Variants in XXYLT1 observed in about 807,000 individuals in gnomAD.
The protein encoded by XXYLT1 is UDP-xylose:alpha-xyloside alpha-1,3-xylosyltransferase.
In XXYLT1, 20 loss-of-function variants were observed where a neutral mutation model predicts 28.9. That is an observed-to-expected ratio of 0.69 (90% CI 0.49 to 1.00). The LOEUF (loss-of-function observed/expected upper bound fraction) is 1.00, where lower values mean the gene tolerates loss of function less well. XXYLT1 is among the 50% of genes least tolerant of loss of function. XXYLT1 has a pLI of 0.00. For synonymous variants in XXYLT1, 257 were observed against 253.8 expected (o/e 1.01, Z -0.12); for missense variants, 542 against 560.1 (o/e 0.97, Z 0.33).
rs1715148667 is a variant in XXYLT1, at chr3:195,076,829, T to G, written c.786-6718A>C. ...CGTGCCTCTGTGTCCACATTGCCCCTTTCTATCAAGACGCCAGCCATAAGG... is the reference window on the plus strand; with the variant it reads ...CGTGCCTCTGTGTCCACATTGCCCCGTTCTATCAAGACGCCAGCCATAAGG... On this transcript the variant is annotated intron_variant, in intron 3 of 3. Transcript: ENST00000310380. The surrounding 1 kb of genome is among the most constrained non-coding windows in gnomAD (Gnocchi z 5.3). 6.6e-6 allele frequency among the ~76,000 whole-genome samples: 1 copy of G among 152,142 alleles called. No individual in the cohort carries two copies. The highest frequency in any genetic ancestry group is 2.4e-5 in the African/African-American group (1 of 41,430).
chr3:195,261,721 A>T (rs763300481), intron 1 of XXYLT1, among the ~76,000 whole-genome samples: 30 of 149,028 alleles, frequency 2.0e-4, no homozygotes, highest in East Asian at 3.8e-4. Flanking sequence ...TAAATATATT[A>T]AAAAATACCA....
intron 3 of XXYLT1, among the ~76,000 whole-genome samples, chr3:195,127,170 TA>T (rs904827399): frequency 1.6e-4 from 24 of 152,140 alleles, no homozygotes; most frequent in African/African-American, 5.8e-4. Flanking sequence ...AGCTCCCCGG[TA>T]AACATGAGTG....
chr3:195,211,609 A>C (rs1390597584), intron 2 of XXYLT1, among the ~76,000 whole-genome samples: 1 of 152,254 alleles, frequency 6.6e-6, no homozygotes, highest in Non-Finnish European at 1.5e-5. Context: ...TGGAGCTTAC[A>C]TCTGGGTGGG....
chr3:195,213,547 A>C (rs1288900955), intron 2 of XXYLT1, among the ~76,000 whole-genome samples: 1 of 152,094 alleles, frequency 6.6e-6, no homozygotes. Context: ...TACAGGCGTG[A>C]GCCACCACGC....
intron 2 of XXYLT1, among the ~76,000 whole-genome samples, chr3:195,186,398 C>T (rs370274696): frequency 9.8e-5 from 15 of 152,356 alleles, no homozygotes; most frequent in African/African-American, 3.6e-4. Context: ...CCCAATCCCT[C>T]GCACAGCTTT....
intron 3 of XXYLT1, among the ~76,000 whole-genome samples, chr3:195,110,189 GGTGAGGTGTA>G (rs1717461700): frequency 1.6e-5 from 1 of 63,170 alleles, no homozygotes; most frequent in African/African-American, 4.6e-5. Flanking sequence ...TGTGTGTGTG[GGTGAGGTGTA>G]TGTGTGGTGT....
chr3:195,258,207 C>T (rs1725549415), intron 1 of XXYLT1, among the ~76,000 whole-genome samples: 1 of 152,186 alleles, frequency 6.6e-6, no homozygotes, highest in South Asian at 2.1e-4. Context: ...AGTGAGGCAA[C>T]AGCCACAGAG....
Position 195,173,711 on chromosome 3 carries a change from C to T in XXYLT1, c.653-17130G>A, listed in dbSNP as rs1451579928. On this transcript the variant is annotated intron_variant, in intron 2 of 3. Transcript: ENST00000310380. This position sits in a 1 kb window ranked among gnomAD's most constrained non-coding sequence, Gnocchi z 4.3. ...TCAGGGGAATCCTACTGAAAGGCAT[C>T]GTGGATAAAGTGAACTTCACTTTAG... Among the ~76,000 whole-genome samples the T allele has an allele frequency of 6.6e-6, 1 of 152,172 alleles. No individual in the cohort carries two copies. Among genetic ancestry groups the T allele is most frequent in the Non-Finnish European group, 1.5e-5 (1 of 68,034 alleles).
chr3:195,252,017 T>C (rs892762789), intron 1 of XXYLT1, among the ~76,000 whole-genome samples: 2 of 152,200 alleles, frequency 1.3e-5, no homozygotes, highest in African/African-American at 2.4e-5. Context: ...AATAAAATAC[T>C]ACACAGCAAT....
At chr3:195,125,722 A>C (rs1577057373) in intron 3 of XXYLT1, among the ~76,000 whole-genome samples, 2 of 152,268 alleles carry the variant, frequency 1.3e-5, no homozygotes, top group East Asian at 3.8e-4. Flanking sequence ...CCTGGAAATA[A>C]GTTGAAATGT....
intron 2 of XXYLT1, among the ~76,000 whole-genome samples, chr3:195,170,879 C>T (rs1024810477): frequency 1.3e-5 from 2 of 149,264 alleles, no homozygotes; most frequent in African/African-American, 5.0e-5. Flanking sequence ...TCCGTCTTAA[C>T]CAAAAAAAAA....
At chr3:195,172,651 C>T (rs953250277) in intron 2 of XXYLT1, among the ~76,000 whole-genome samples, 1 of 152,164 alleles carries the variant, frequency 6.6e-6, no homozygotes, top group Non-Finnish European at 1.5e-5. Flanking sequence ...ACAGAGTAGA[C>T]AAGATGGCCT....
rs1719033460 is a variant in XXYLT1, at chr3:195,133,944, G to A, written c.785+22505C>T. Among the ~76,000 whole-genome samples the A allele has an allele frequency of 6.6e-6, 1 of 152,174 alleles. No individual in the cohort carries two copies. Among genetic ancestry groups the A allele is most frequent in the Non-Finnish European group, 1.5e-5 (1 of 68,030 alleles). On this transcript the variant is annotated intron_variant, in intron 3 of 3. Transcript: ENST00000310380. The surrounding 1 kb of genome is among the most constrained non-coding windows in gnomAD (Gnocchi z 4.4). ...TATTTACTTTTGGCTGGGTGTGGAG[G>A]CTCATGCCTGTAATCCTGGCACTTT...
Position 195,077,017 on chromosome 3 carries a change from A to G in XXYLT1, c.786-6906T>C, listed in dbSNP as rs1715160132. 6.6e-6 allele frequency among the ~76,000 whole-genome samples: 1 copy of G among 152,202 alleles called. No individual in the cohort carries two copies. Among genetic ancestry groups the G allele is most frequent in the Non-Finnish European group, 1.5e-5 (1 of 68,040 alleles). ...CCCACAGCACTCTCCAGCAATGAAG[A>G]TGGAGAAAAACACCACAGCTCACTG... is the stretch of plus-strand genomic sequence containing the variant. On this transcript the variant is annotated intron_variant, in intron 3 of 3. Transcript: ENST00000310380. This position sits in a 1 kb window ranked among gnomAD's most constrained non-coding sequence, Gnocchi z 4.8.
Position 195,195,939 on chromosome 3 carries a change from T to G in XXYLT1, c.652+30770A>C, listed in dbSNP as rs1722607262. Among the ~76,000 whole-genome samples the G allele has an allele frequency of 6.6e-6, 1 of 152,190 alleles. No homozygotes were observed. Among genetic ancestry groups the G allele is most frequent in the Admixed American group, 6.5e-5 (1 of 15,280 alleles). On this transcript the variant is annotated intron_variant, in intron 2 of 3. Transcript: ENST00000310380. The surrounding 1 kb of genome is among the most constrained non-coding windows in gnomAD (Gnocchi z 4.4). ...TTTCTCCTCACTGCCTCAGTCTCCC[T>G]GCCTGGCACTGCCATTCCCTCCAGG...
At chr3:195,200,955 T>C (rs907311606) in intron 2 of XXYLT1, among the ~76,000 whole-genome samples, 1 of 152,138 alleles carries the variant, frequency 6.6e-6, no homozygotes, top group Non-Finnish European at 1.5e-5. Context: ...TACATTGAAG[T>C]TACCCAGGGT....
At chr3:195,117,114 T>TACACACACACACACACACACAC (rs10633458) in intron 3 of XXYLT1, among the ~76,000 whole-genome samples, 101 of 148,746 alleles carry the variant, frequency 6.8e-4, no homozygotes, top group African/African-American at 2.3e-3. Flanking sequence ...ATATAGTGTA[T>TACACACACACACACACACACAC]ACACACACAC....
At chr3:195,088,042 G>A (rs943616903) in intron 3 of XXYLT1, among the ~76,000 whole-genome samples, 6 of 152,048 alleles carry the variant, frequency 3.9e-5, no homozygotes, top group East Asian at 1.9e-4. Flanking sequence ...CCTACCCCAC[G>A]GAGTCTCGCT....
chr3:195,179,256 C>T (rs1159650994), intron 2 of XXYLT1, among the ~76,000 whole-genome samples: 1 of 151,466 alleles, frequency 6.6e-6, no homozygotes, highest in Non-Finnish European at 1.5e-5. Flanking sequence ...AGGAGAATTG[C>T]TTGAACCAGG....
Sources: allele counts gnomAD v4.1 joint callset (sites outside exome capture counted in the v4.1 genomes callset), GRCh38; gene constraint gnomAD v4.1.1; non-coding constraint Gnocchi (gnomAD v3.1); transcripts MANE v1.5; gene names NCBI Gene and HGNC (gene_info 2026-07-23, HGNC 2026-07-21).